TAS2R30: variants seen among roughly 807,000 people sequenced by gnomAD.
TAS2R30 encodes taste 2 receptor member 30.
For missense variants in TAS2R30, 395 were observed against 371.6 expected (o/e 1.06, Z -0.52); for synonymous variants, 141 against 131.6 (o/e 1.07, Z -0.49).
exon 1 of TAS2R30, chr12:11,133,991 T>C (rs767409468): frequency 1.9e-6 from 3 of 1,613,972 alleles, no homozygotes; most frequent in East Asian, 4.5e-5. Flanking sequence ...CCAGACATTA[T>C]AAGCAGTAAT....
chr12:11,133,402 C>G, exon 1 of TAS2R30: 1 of 1,613,890 alleles, frequency 6.2e-7, no homozygotes, highest in South Asian at 1.1e-5. Flanking sequence ...TCTTGTTTCC[C>G]AAAATCAGGA....
At position 11,133,501 on chromosome 12, in the gene TAS2R30, T is replaced by A. The variant is rs769752911; in HGVS notation, c.744A>T (p.Ser248=). ...TTTCCAGCCTCCCAAAATTACAAACTGATATGATCATGGACAGAAAGTAAA... is the reference window on the plus strand; with the variant it reads ...TTTCCAGCCTCCCAAAATTACAAACAGATATGATCATGGACAGAAAGTAAA... Residue 248 remains serine (S), a synonymous_variant, in exon 1 of 1, where the codon TCA becomes TCT. Coordinates refer to ENST00000539585, the Ensembl canonical transcript of TAS2R30. 4 of 1,614,142 alleles carry A rather than the reference T, an allele frequency of 2.5e-6. No individual in the cohort carries two copies. In the South Asian group the frequency reaches 4.4e-5, roughly 18 times the overall value.
chr12:11,133,933 CATGCTGAGGCTAGT>C, the TAS2R30 span: 1 of 1,614,060 alleles, frequency 6.2e-7, no homozygotes, highest in South Asian at 1.1e-5. Flanking sequence ...GCAAATAAAA[CATGCTGAGGCTAGT>C]AGCAAGCCAG....
At chr12:11,133,960 G>A (rs1422544098) in exon 1 of TAS2R30, 1 of 1,614,128 alleles carries the variant, frequency 6.2e-7, no homozygotes, top group South Asian at 1.1e-5. Context: ...CAAGCCAGCT[G>A]CTGAAATGGT....
chr12:11,133,267 C>T, exon 1 of TAS2R30: 1 of 1,583,804 alleles, frequency 6.3e-7, no homozygotes, highest in Non-Finnish European at 8.6e-7. Flanking sequence ...GTTTCATACA[C>T]CACCAGTTTG....
exon 1 of TAS2R30, chr12:11,134,455 T>G: frequency 1.7e-6 from 1 of 591,228 alleles, no homozygotes; most frequent in Non-Finnish European, 2.8e-6. Flanking sequence ...TGGAAAACAT[T>G]CTTATTTTCA....
exon 1 of TAS2R30, chr12:11,133,259 T>TTCATACA (rs1946426632): frequency 6.4e-7 from 1 of 1,566,578 alleles, no homozygotes; most frequent in African/African-American, 1.4e-5. Context: ...TATAAAATGT[T>TTCATACA]TCATACACCA....
rs199802803 is a variant in TAS2R30, at chr12:11,133,503, A to G, written c.742T>C (p.Ser248Pro). 2.2e-4 allele frequency: 356 copies of G among 1,614,052 alleles called. No homozygotes were observed. Among genetic ancestry groups the G allele is most frequent in the Non-Finnish European group, 2.9e-4 (343 of 1,180,008 alleles). ...TCCAGCCTCCCAAAATTACAAACTG[A>G]TATGATCATGGACAGAAAGTAAATG... The change falls in exon 1 of 1, where the codon TCA becomes CCA. Residue 248 changes from serine to proline, a missense_variant. Coordinates refer to ENST00000539585, the Ensembl canonical transcript of TAS2R30.
chr12:11,133,203 G>GTT (rs1565687802), exon 1 of TAS2R30: 33 of 1,412,950 alleles, frequency 2.3e-5, no homozygotes, highest in Middle Eastern at 2.1e-4. Context: ...AGGTATACAT[G>GTT]TGGAAATTAT....
exon 1 of TAS2R30, chr12:11,133,922 A>C (rs1219505430): frequency 1.2e-6 from 2 of 1,614,186 alleles, no homozygotes; most frequent in South Asian, 2.2e-5. Flanking sequence ...GGCAATCCTG[A>C]GCAAATAAAA....
At chr12:11,134,174 T>C (rs746720280) in exon 1 of TAS2R30, 3 of 1,613,950 alleles carry the variant, frequency 1.9e-6, no homozygotes, top group Non-Finnish European at 2.5e-6. Context: ...TATGAAGCCA[T>C]TAGCAAAATT....
At chr12:11,134,640 G>T in exon 1 of TAS2R30, 1 of 187,548 alleles carries the variant, frequency 5.3e-6, no homozygotes, top group Admixed American at 5.3e-5. Flanking sequence ...TTTGTCTTTA[G>T]CGACTTCAGT....
chr12:11,133,816 A>T, exon 1 of TAS2R30: 1 of 1,614,174 alleles, frequency 6.2e-7, no homozygotes, highest in South Asian at 1.1e-5. Context: ...TCACAAAAAG[A>T]TGACAAACCA....
exon 1 of TAS2R30, chr12:11,133,145 C>T (rs200360719): frequency 4.4e-6 from 4 of 905,092 alleles, no homozygotes; most frequent in Admixed American, 3.6e-5. Context: ...ACACACACAT[C>T]TATATATATG....
exon 1 of TAS2R30, chr12:11,133,552 C>A: frequency 6.2e-7 from 1 of 1,614,058 alleles, no homozygotes; most frequent in African/African-American, 1.3e-5. Flanking sequence ...GAAAGGAGGT[C>A]ACAGTTTGCA....
At chr12:11,133,593 C>T (rs759771695) in exon 1 of TAS2R30, 4 of 1,614,222 alleles carry the variant, frequency 2.5e-6, no homozygotes, top group Non-Finnish European at 2.5e-6. Flanking sequence ...GTGCTGGGAT[C>T]TTGAGATCCT....
chr12:11,133,559 T>G (rs1470244439), exon 1 of TAS2R30: 1 of 1,614,106 alleles, frequency 6.2e-7, no homozygotes, highest in Admixed American at 1.7e-5. Context: ...GGTCACAGTT[T>G]GCAAAGCTTT....
chr12:11,133,198 T>C (rs1394217781), exon 1 of TAS2R30: 4 of 1,494,560 alleles, frequency 2.7e-6, no homozygotes, highest in African/African-American at 1.4e-5. Flanking sequence ...TTTCTAGGTA[T>C]ACATGTGGAA....
At chr12:11,134,262 G>GA (rs1565690428) in exon 1 of TAS2R30, 2 of 1,593,834 alleles carry the variant, frequency 1.3e-6, no homozygotes, top group Non-Finnish European at 1.7e-6. Context: ...CAGACAAAAA[G>GA]AAATTTTTAA....
Sources: gnomAD v4.1 joint callset for allele counts on GRCh38, gnomAD v4.1.1 for gene constraint, MANE v1.5 for transcripts, NCBI Gene and HGNC (gene_info 2026-07-23, HGNC 2026-07-21) for gene names.